Variants in ANKRD13C observed in about 807,000 individuals in gnomAD.
ANKRD13C encodes the protein ankyrin repeat domain-containing protein 13C.
A neutral mutation model predicts 65.5 loss-of-function variants in ANKRD13C; 16 were observed. The ratio of observed to expected loss-of-function variants is 0.24; its 90% confidence interval spans 0.17 to 0.37. The LOEUF (loss-of-function observed/expected upper bound fraction) is 0.37, where lower values mean the gene tolerates loss of function less well. ANKRD13C is among the 10% of genes least tolerant of loss of function. ANKRD13C has a pLI of 1.00. For synonymous variants in ANKRD13C, 235 were observed against 238.7 expected (o/e 0.98, Z 0.14); for missense variants, 503 against 655.9 (o/e 0.77, Z 2.55).
chr1:70,354,423 G>C lies in ANKRD13C; in HGVS notation c.-15C>G. The stretch of plus-strand genomic sequence containing the variant: ...TCCCCGGTCATCGCCGCCGCCAGGG[G>C]CAAGGGGGGGAATCGGGAGGCTCAC... On this transcript the variant is annotated 5_prime_UTR_variant, in exon 1 of 13. Coordinates refer to ENST00000370944, the MANE Select transcript of ANKRD13C (RefSeq NM_030816.5). 1 of 1,605,482 alleles carries C rather than the reference G, an allele frequency of 6.2e-7. No homozygotes were observed. Among genetic ancestry groups the C allele is most frequent in the Non-Finnish European group, 8.5e-7 (1 of 1,175,202 alleles).
intron 9 of ANKRD13C, among the ~76,000 whole-genome samples, chr1:70,279,702 C>T (rs1679301602): frequency 6.6e-6 from 1 of 151,922 alleles, no homozygotes; most frequent in African/African-American, 2.4e-5. Context: ...GGGGTTTCAC[C>T]ATGTTGGCTG....
At chr1:70,296,285 T>G (rs1343505410) in intron 7 of ANKRD13C, 24 bp from the exon 8 acceptor site, 2 of 1,597,180 alleles carry the variant, frequency 1.3e-6, no homozygotes, top group Admixed American at 3.6e-5. Flanking sequence ...AAAAGTTAAA[T>G]ATAAAAATCT....
chr1:70,276,441 G>C (rs1679136814), intron 10 of ANKRD13C, among the ~76,000 whole-genome samples: 1 of 152,078 alleles, frequency 6.6e-6, no homozygotes, highest in Non-Finnish European at 1.5e-5. Flanking sequence ...TCATACAATG[G>C]GAAATCTCAA....
In ANKRD13C at chr1:70,319,568, T is replaced by C. The variant is rs552764436; in HGVS notation, c.578-4002A>G. 2.1e-5 allele frequency among the ~76,000 whole-genome samples: 3 copies of C among 144,856 alleles called. No homozygotes were observed. In the South Asian group the frequency reaches 6.6e-4, roughly 32 times the overall value. On this transcript the variant is annotated intron_variant, in intron 3 of 12. Coordinates refer to ENST00000370944, the MANE Select transcript of ANKRD13C (RefSeq NM_030816.5). Reference sequence around the variant, plus strand: ...GCTGCAGAGAGCCAAGATCGCGCCATTGCATTCCAGCCTGAGCAACAAGAG... The same window carrying C: ...GCTGCAGAGAGCCAAGATCGCGCCACTGCATTCCAGCCTGAGCAACAAGAG...
chr1:70,330,189 C>T (rs995050305), intron 2 of ANKRD13C, among the ~76,000 whole-genome samples: 20 of 149,402 alleles, frequency 1.3e-4, no homozygotes, highest in African/African-American at 4.9e-4. Context: ...AGCACTAAGG[C>T]TTAAAGAATG....
intron 8 of ANKRD13C, among the ~76,000 whole-genome samples, chr1:70,295,304 G>C (rs763297019): frequency 2.6e-5 from 4 of 151,772 alleles, no homozygotes; most frequent in Non-Finnish European, 4.4e-5. Context: ...CTGGAGTGCA[G>C]TGGTGCCATC....
At chr1:70,314,410 A>C (rs1256012522) in intron 4 of ANKRD13C, among the ~76,000 whole-genome samples, 1 of 151,454 alleles carries the variant, frequency 6.6e-6, no homozygotes, top group Non-Finnish European at 1.5e-5. Context: ...TTTTTAGTAC[A>C]GATGGAGTTT....
chr1:70,325,622 T>C (rs1681500412), intron 2 of ANKRD13C, among the ~76,000 whole-genome samples: 1 of 152,188 alleles, frequency 6.6e-6, no homozygotes. Context: ...CTCACGCCTG[T>C]AATCCCAGCA....
In ANKRD13C at chr1:70,282,346, C is replaced by T. The variant is rs1403863470; in HGVS notation, c.1216-5502G>A. Among the ~76,000 whole-genome samples, 53 of 151,994 alleles carry T rather than the reference C, an allele frequency of 3.5e-4. 1 individual carries two copies. Among genetic ancestry groups the T allele is most frequent in the Non-Finnish European group, 8.8e-5 (6 of 67,986 alleles). On this transcript the variant is annotated intron_variant, in intron 9 of 12. Coordinates refer to ENST00000370944, the MANE Select transcript of ANKRD13C (RefSeq NM_030816.5). ...CTGGGATTACAGACATGAGACACCG[C>T]GCCCGGCAATATAAATCATCTTATA...
intron 1 of ANKRD13C, among the ~76,000 whole-genome samples, chr1:70,339,810 CGTTT>C (rs1558312166): frequency 2.3e-5 from 3 of 132,614 alleles, no homozygotes; most frequent in African/African-American, 5.7e-5. Flanking sequence ...TTGATCAGTA[CGTTT>C]ATTATTATTA....
At chr1:70,292,194 C>A in intron 9 of ANKRD13C, 194 bp downstream of exon 9, 1 of 417,362 alleles carries the variant, frequency 2.4e-6, no homozygotes, top group Non-Finnish European at 4.2e-6. Context: ...AGTACAGATT[C>A]ACAAAAAAAT....
intron 2 of ANKRD13C, among the ~76,000 whole-genome samples, chr1:70,330,574 C>CAAAAAAAAAAAAAAAAAAA (rs71071394): frequency 1.3e-3 from 92 of 68,254 alleles, no homozygotes; most frequent in Admixed American, 1.8e-3. Flanking sequence ...ACAAACAAAC[C>CAAAAAAAAAAAAAAAAAAA]AAAAAAAAAA....
chr1:70,343,040 A>G (rs1392565036), intron 1 of ANKRD13C, among the ~76,000 whole-genome samples: 1 of 152,178 alleles, frequency 6.6e-6, no homozygotes, highest in African/African-American at 2.4e-5. Context: ...AGGGGGTAAA[A>G]GCATCAGTAC....
chr1:70,335,960 G>A (rs1000852068), intron 2 of ANKRD13C, 98 bp downstream of exon 2: 1 of 357,646 alleles, frequency 2.8e-6, no homozygotes, highest in Admixed American at 5.0e-5. Flanking sequence ...CAGATAAAAT[G>A]AGTTTTTAAA....
chr1:70,336,108 AAT>A lies in ANKRD13C; in HGVS notation c.431-11_431-10del. 2 of 696,106 alleles carry A rather than the reference AAT, an allele frequency of 2.9e-6. No homozygotes were observed. Among genetic ancestry groups the A allele is most frequent in the Non-Finnish European group, 2.0e-6 (1 of 491,150 alleles). The allele number at this position is 696,106 out of a possible 1,614,324, so 43.1% of individuals were successfully genotyped here. On this transcript the variant is annotated splice_polypyrimidine_tract_variant and intron_variant, in intron 1 of 12. Coordinates refer to ENST00000370944, the MANE Select transcript of ANKRD13C (RefSeq NM_030816.5). ...GTGTAAAGGAGTATTTCCTAAAAAA[AAT>A]AAAATAAAATAAATAAATTAGAAGG...
Position 70,324,897 on chromosome 1 carries a change from C to T in ANKRD13C, c.533G>A (p.Trp178Ter). 6.2e-7 allele frequency: 1 copy of T among 1,611,636 alleles called. No individual in the cohort carries two copies. Among genetic ancestry groups the T allele is most frequent in the Non-Finnish European group, 8.5e-7 (1 of 1,178,578 alleles). Reference sequence around the variant, plus strand: ...GCTGATGGCTTCCGCCAGAGGGCTCCATCCCTGAGCATTTTTCACCTTGAC... The same window carrying T: ...GCTGATGGCTTCCGCCAGAGGGCTCTATCCCTGAGCATTTTTCACCTTGAC... ...APVKVKNAQG[W>*]SPLAEAISYG... is the part of the protein sequence containing the mutation. The change falls in exon 3 of 13, where the codon TGG (tryptophan) becomes TAG (stop). Residue 178 changes from tryptophan to a stop codon, truncating the protein, a stop_gained. Transcript: ENST00000370944. LOFTEE classifies it high-confidence loss of function.
chr1:70,295,218 C>T (rs1026696961), intron 8 of ANKRD13C, among the ~76,000 whole-genome samples: 2 of 151,784 alleles, frequency 1.3e-5, no homozygotes, highest in Admixed American at 6.6e-5. Flanking sequence ...CTTCTTCATA[C>T]AGCTCATTCA....
chr1:70,322,890 G>A (rs1257107721), intron 3 of ANKRD13C, among the ~76,000 whole-genome samples: 1 of 152,192 alleles, frequency 6.6e-6, no homozygotes, highest in Admixed American at 6.5e-5. Context: ...TACTTGGGAG[G>A]CTGGGGCAGG....
At chr1:70,275,115 A>T (rs561203674) in intron 10 of ANKRD13C, among the ~76,000 whole-genome samples, 4 of 152,332 alleles carry the variant, frequency 2.6e-5, no homozygotes, top group African/African-American at 4.8e-5. Flanking sequence ...TAGTAAAAAA[A>T]TTTTTAAGGT....
Sources: gnomAD v4.1 joint callset for allele counts (sites outside exome capture counted in the v4.1 genomes callset) on GRCh38, gnomAD v4.1.1 for gene constraint, MANE v1.5 for transcripts, NCBI Gene and HGNC (gene_info 2026-07-23, HGNC 2026-07-21) for gene names.